The following RANBP2 variants were observed in gnomAD, a reference collection of about 807,000 sequenced individuals.
RANBP2 encodes the protein E3 SUMO-protein ligase RanBP2.
RANBP2 carries 57 observed loss-of-function variants against 303.6 expected under a neutral mutation model. The observed-to-expected ratio is 0.19, with a 90% CI of 0.15 to 0.23. RANBP2 has a LOEUF of 0.23. Among genes scored for constraint, RANBP2 ranks in the 10% least tolerant of loss-of-function variants. The probability of loss-of-function intolerance (pLI) is 1.00; values close to 1 mark genes in which losing one functional copy is unlikely to be tolerated. For missense variants in RANBP2, 3,138 were observed against 3,780.8 expected, an observed-to-expected ratio of 0.83 and a Z score of 4.46; for synonymous variants, 1,167 against 1,301.5, an observed-to-expected ratio of 0.90 and a Z score of 2.23.
chr2:109,333,430 G>A, the RANBP2 span, among the ~76,000 whole-genome samples: 3 of 152,286 alleles, frequency 2.0e-5, no homozygotes, highest in East Asian at 3.9e-4. Flanking sequence ...AATAAAACAA[G>A]CCTAACCTTA....
At chr2:109,138,614 A>G in the RANBP2 span, among the ~76,000 whole-genome samples, 1 of 152,192 alleles carries the variant, frequency 6.6e-6, no homozygotes, top group African/African-American at 2.4e-5. Context: ...GGTTCATTCT[A>G]GTCTTCCTGT....
At chr2:108,915,494 G>A in the RANBP2 span, among the ~76,000 whole-genome samples, 3 of 152,212 alleles carry the variant, frequency 2.0e-5, no homozygotes, top group Non-Finnish European at 4.4e-5. Context: ...ATGTTTCCTT[G>A]TGTTTCTGGA....
At chr2:109,014,709 C>G in the RANBP2 span, among the ~76,000 whole-genome samples, 1 of 152,206 alleles carries the variant, frequency 6.6e-6, no homozygotes, top group African/African-American at 2.4e-5. Flanking sequence ...GCAGGATGCA[C>G]GTGTGAGAGG....
At chr2:109,168,086 C>T in the RANBP2 span, among the ~76,000 whole-genome samples, 2 of 152,298 alleles carry the variant, frequency 1.3e-5, no homozygotes, top group African/African-American at 4.8e-5. Context: ...ATCCTACACA[C>T]CCAATTAAGA....
the RANBP2 span, among the ~76,000 whole-genome samples, chr2:109,196,167 C>T: frequency 6.6e-6 from 1 of 152,226 alleles, no homozygotes; most frequent in African/African-American, 2.4e-5. Context: ...GCTGGTTGGC[C>T]ATGGCAGAGC....
At chr2:109,613,792 A>T in the RANBP2 span, 1 of 1,228,768 alleles carries the variant, frequency 8.1e-7, no homozygotes. Context: ...CGTCGGCGGG[A>T]CTCACCAGGT....
At chr2:109,266,027 T>G in the RANBP2 span, among the ~76,000 whole-genome samples, 3 of 152,156 alleles carry the variant, frequency 2.0e-5, no homozygotes, top group African/African-American at 7.2e-5. Flanking sequence ...ATTGTGTATA[T>G]ATGTGTATTC....
the RANBP2 span, among the ~76,000 whole-genome samples, chr2:109,060,734 G>A: frequency 6.6e-6 from 1 of 152,020 alleles, no homozygotes; most frequent in Non-Finnish European, 1.5e-5. Flanking sequence ...TGCCACCCTG[G>A]GCCTCAGTTT....
the RANBP2 span, among the ~76,000 whole-genome samples, chr2:109,086,467 G>A: frequency 6.6e-6 from 1 of 152,200 alleles, no homozygotes; most frequent in African/African-American, 2.4e-5. Flanking sequence ...TTACTTTACA[G>A]ATAAGGCTCA....
At chr2:109,674,121 T>C in the RANBP2 span, among the ~76,000 whole-genome samples, 1 of 152,078 alleles carries the variant, frequency 6.6e-6, no homozygotes, top group Non-Finnish European at 1.5e-5. Context: ...CACATCCTAT[T>C]GGCCTCCCCA....
the RANBP2 span, among the ~76,000 whole-genome samples, chr2:109,478,660 A>C: frequency 6.6e-6 from 1 of 152,166 alleles, no homozygotes; most frequent in African/African-American, 2.4e-5. Flanking sequence ...TCCATCCCAC[A>C]CTTGTTTATC....
the RANBP2 span, among the ~76,000 whole-genome samples, chr2:108,795,469 T>C: frequency 6.6e-6 from 1 of 152,138 alleles, no homozygotes; most frequent in Non-Finnish European, 1.5e-5. Flanking sequence ...AAGAGTATAA[T>C]TTATATATTA....
At chr2:109,190,461 A>G in the RANBP2 span, among the ~76,000 whole-genome samples, 1 of 152,204 alleles carries the variant, frequency 6.6e-6, no homozygotes, top group African/African-American at 2.4e-5. Context: ...GGCGTGAGCC[A>G]CTGCGCCTGG....
the RANBP2 span, chr2:109,585,165 T>C: frequency 3.1e-6 from 5 of 1,607,780 alleles, no homozygotes; most frequent in Non-Finnish European, 4.2e-6. Context: ...TCCCACTGTA[T>C]TCACAATGGT....
chr2:109,160,424 A>G, the RANBP2 span, among the ~76,000 whole-genome samples: 3 of 152,372 alleles, frequency 2.0e-5, no homozygotes, highest in Middle Eastern at 3.4e-3. Context: ...GCAGGTAGCC[A>G]TGCAGCCTTG....
At chr2:109,655,091 C>T in the RANBP2 span, among the ~76,000 whole-genome samples, 53 of 152,018 alleles carry the variant, frequency 3.5e-4, no homozygotes, top group African/African-American at 1.3e-3. Flanking sequence ...TTAGTAGAGA[C>T]GGGGTTTCAC....
chr2:109,400,170 C>G, the RANBP2 span, among the ~76,000 whole-genome samples: 1 of 152,178 alleles, frequency 6.6e-6, no homozygotes, highest in African/African-American at 2.4e-5. Flanking sequence ...GCCATGTAAT[C>G]TAGATGTGCC....
the RANBP2 span, among the ~76,000 whole-genome samples, chr2:109,429,630 A>G: frequency 3.3e-5 from 5 of 151,770 alleles, no homozygotes; most frequent in African/African-American, 1.2e-4. Flanking sequence ...CATCTTGCCC[A>G]AGCCCTGCCC....
chr2:109,303,275 C>G, the RANBP2 span, among the ~76,000 whole-genome samples: 3 of 152,200 alleles, frequency 2.0e-5, no homozygotes, highest in East Asian at 5.8e-4. Context: ...ACATATGCTT[C>G]CCAGTGAATT....
Sources: gnomAD v4.1 joint callset for allele counts (sites outside exome capture counted in the v4.1 genomes callset) on GRCh38, gnomAD v4.1.1 for gene constraint, MANE v1.5 for transcripts, NCBI Gene and HGNC (gene_info 2026-07-23, HGNC 2026-07-21) for gene names.